PDE7B: variants seen among roughly 807,000 people sequenced by gnomAD.
The protein encoded by PDE7B is 3',5'-cyclic-AMP phosphodiesterase 7B.
Under a neutral mutation model 56.2 loss-of-function variants are expected in PDE7B, and 29 were observed. The ratio of observed to expected loss-of-function variants is 0.52; its 90% CI spans 0.38 to 0.70. The LOEUF is 0.70. Ranked by LOEUF, PDE7B falls within the 30% of genes least tolerant of loss-of-function variation. The probability of loss-of-function intolerance (pLI) is 0.00; values close to 1 mark genes in which losing one functional copy is unlikely to be tolerated. For synonymous variants in PDE7B, 197 were observed against 196.9 expected (o/e 1.00, Z 0.00); for missense variants, 490 against 565.0 (o/e 0.87, Z 1.35).
intron 3 of PDE7B, among the ~76,000 whole-genome samples, chr6:136,110,673 G>A (rs569498474): frequency 3.6e-4 from 54 of 149,908 alleles, no homozygotes; most frequent in African/African-American, 8.9e-4. Flanking sequence ...AGGTGGGACA[G>A]TGGAATATTT....
At chr6:135,931,288 C>G (rs964243229) in intron 1 of PDE7B, among the ~76,000 whole-genome samples, 6 of 152,160 alleles carry the variant, frequency 3.9e-5, no homozygotes, top group Non-Finnish European at 7.3e-5. Flanking sequence ...CCTAAGTGAT[C>G]TCTGTAAAAT....
chr6:136,104,608 AT>A (rs1247761966), intron 2 of PDE7B, among the ~76,000 whole-genome samples: 2 of 152,232 alleles, frequency 1.3e-5, no homozygotes, highest in Non-Finnish European at 2.9e-5. Flanking sequence ...AAAACTTTCT[AT>A]ATTAGAAATA....
intron 2 of PDE7B, among the ~76,000 whole-genome samples, chr6:135,975,915 A>C (rs1775178802): frequency 6.6e-6 from 1 of 152,162 alleles, no homozygotes; most frequent in Non-Finnish European, 1.5e-5. Context: ...GGATGTCTCC[A>C]ACCAGGCCAT....
chr6:135,957,679 G>A (rs1314139575), intron 2 of PDE7B, among the ~76,000 whole-genome samples: 1 of 152,112 alleles, frequency 6.6e-6, no homozygotes, highest in Non-Finnish European at 1.5e-5. Context: ...CCCTGTGTTG[G>A]CCTAGAATTC....
chr6:136,015,000 A>G (rs1775952097), intron 2 of PDE7B, among the ~76,000 whole-genome samples: 1 of 152,238 alleles, frequency 6.6e-6, no homozygotes, highest in Non-Finnish European at 1.5e-5. Flanking sequence ...TCGATGTTGA[A>G]GTTAAAATAC....
At chr6:136,119,017 G>A (rs145131881) in intron 3 of PDE7B, among the ~76,000 whole-genome samples, 16 of 152,264 alleles carry the variant, frequency 1.1e-4, no homozygotes, top group Admixed American at 5.2e-4. Flanking sequence ...AGAAAAGGGC[G>A]TGGTGGTGAC....
chr6:136,051,951 T>C lies in PDE7B; in HGVS notation c.83-56780T>C, dbSNP rs1025086014. Among the ~76,000 whole-genome samples the C allele has an allele frequency of 5.3e-5, 8 of 151,752 alleles. No individual in the cohort carries two copies. In the South Asian group the frequency reaches 6.2e-4, roughly 12 times the overall value. ...AGGACCATGGAACTTGACCATTATA[T>C]AATAAGCAGAGGCACATGTATGGGC... On this transcript the variant is annotated intron_variant, in intron 2 of 12. Transcript: ENST00000308191.
chr6:135,942,500 A>G (rs905403900), intron 1 of PDE7B, among the ~76,000 whole-genome samples: 1 of 152,140 alleles, frequency 6.6e-6, no homozygotes, highest in Non-Finnish European at 1.5e-5. Context: ...TGGTGAGAAT[A>G]CCTAAAATCT....
In PDE7B at chr6:135,852,034, T is replaced by C; in HGVS notation, c.21+15T>C. 6.3e-7 allele frequency: 1 copy of C among 1,593,038 alleles called. No homozygotes were observed. The highest frequency in any genetic ancestry group is 1.1e-5 in the South Asian group (1 of 90,634). On this transcript the variant is annotated intron_variant, in intron 1 of 12. Transcript: ENST00000308191. ...TAATGGTTGAGGTATGTACAACAAA[T>C]TTAAGCGGCAAGCTCAGTTTTCTTG...
intron 3 of PDE7B, among the ~76,000 whole-genome samples, chr6:136,118,574 A>T (rs1777876534): frequency 6.6e-6 from 1 of 152,244 alleles, no homozygotes; most frequent in East Asian, 1.9e-4. Flanking sequence ...GAAATAACTC[A>T]ACCAAGGTCA....
intron 6 of PDE7B, among the ~76,000 whole-genome samples, chr6:136,151,970 G>A (rs75584910): frequency 6.6e-6 from 1 of 151,860 alleles, no homozygotes; most frequent in Non-Finnish European, 1.5e-5. Context: ...ATAAATGACA[G>A]GGAAGAGAAA....
At chr6:135,916,387 T>C (rs1422164581) in intron 1 of PDE7B, among the ~76,000 whole-genome samples, 39 of 109,032 alleles carry the variant, frequency 3.6e-4, no homozygotes, top group African/African-American at 1.6e-3. Context: ...TCTTTTCTTT[T>C]CTTTCTTTTT....
intron 2 of PDE7B, among the ~76,000 whole-genome samples, chr6:136,038,833 T>C (rs7765513): frequency 0.012 from 1,903 of 152,298 alleles, 40 homozygotes; most frequent in African/African-American, 0.042. Context: ...GGGGGTGGAA[T>C]TGGATGCTCT....
At position 135,875,400 on chromosome 6, in the gene PDE7B, A is replaced by T. The variant is rs542087868; in HGVS notation, c.21+23381A>T. On this transcript the variant is annotated intron_variant, in intron 1 of 12. Coordinates refer to ENST00000308191, the MANE Select transcript of PDE7B (RefSeq NM_018945.4). ...GATACACTCACATTTTTAGCATTTT[A>T]TACTAGAATAAAAATATAAATAAAT... 8.5e-5 allele frequency among the ~76,000 whole-genome samples: 13 copies of T among 152,140 alleles called. No individual in the cohort carries two copies. The South Asian group carries it at 2.5e-3, about 29-fold the overall frequency.
chr6:136,151,443 T>C (rs1778511700), intron 6 of PDE7B, among the ~76,000 whole-genome samples, 188 bp downstream of exon 6: 1 of 152,180 alleles, frequency 6.6e-6, no homozygotes, highest in Non-Finnish European at 1.5e-5. Context: ...GTTTACTTGA[T>C]TACAGTTGAT....
At chr6:136,167,444 A>G (rs6570066) in intron 8 of PDE7B, among the ~76,000 whole-genome samples, 16,298 of 151,954 alleles carry the variant, frequency 0.11, 2,884 homozygotes, top group African/African-American at 0.37. Flanking sequence ...TGATGGTTTC[A>G]TAAAGGGGAG....
intron 6 of PDE7B, among the ~76,000 whole-genome samples, chr6:136,152,342 T>A (rs1778534475): frequency 6.6e-6 from 1 of 152,226 alleles, no homozygotes; most frequent in African/African-American, 2.4e-5. Flanking sequence ...TTTTAAAAAA[T>A]AATAATAACT....
chr6:136,165,881 C>A (rs1222059292), intron 8 of PDE7B, among the ~76,000 whole-genome samples: 1 of 152,154 alleles, frequency 6.6e-6, no homozygotes, highest in East Asian at 1.9e-4. Flanking sequence ...CATTTAAAAA[C>A]TGAGGTTCTG....
In PDE7B at chr6:136,061,027, G is replaced by A. The variant is rs915315930; in HGVS notation, c.83-47704G>A. Among the ~76,000 whole-genome samples, 3 of 151,866 alleles carry A rather than the reference G, an allele frequency of 2.0e-5. No homozygotes were observed. The South Asian group carries it at 6.2e-4, about 32-fold the overall frequency. On this transcript the variant is annotated intron_variant, in intron 2 of 12. Coordinates refer to ENST00000308191, the MANE Select transcript of PDE7B (RefSeq NM_018945.4). ...AATAATTATTTACTGAATGCATGAA[G>A]GTAAATGAATAAGGCAAATACTATG... is the stretch of plus-strand genomic sequence containing the variant.
Sources: gnomAD v4.1 joint callset for allele counts (sites outside exome capture counted in the v4.1 genomes callset) on GRCh38, gnomAD v4.1.1 for gene constraint, MANE v1.5 for transcripts, NCBI Gene and HGNC (gene_info 2026-07-23, HGNC 2026-07-21) for gene names.